PC: variants seen among roughly 807,000 people sequenced by gnomAD.
The protein encoded by PC is pyruvate carboxylase, mitochondrial.
A neutral mutation model predicts 107.8 loss-of-function variants in PC; 46 were observed. The ratio of observed to expected loss-of-function variants is 0.43; its 90% CI spans 0.34 to 0.55. The LOEUF (loss-of-function observed/expected upper bound fraction) is 0.55, where lower values mean the gene tolerates loss of function less well. PC is among the 20% of genes least tolerant of loss of function. The pLI is 0.04. For missense variants in PC, 1,241 were observed against 1,643.1 expected, an observed-to-expected ratio of 0.76 and a Z score of 4.23; for synonymous variants, 662 against 684.7, an observed-to-expected ratio of 0.97 and a Z score of 0.52.
intron 3 of PC, among the ~76,000 whole-genome samples, chr11:66,896,563 A>G (rs1019132518): frequency 6.6e-6 from 1 of 152,242 alleles, no homozygotes; most frequent in Non-Finnish European, 1.5e-5. Flanking sequence ...GGGAGAGGGC[A>G]CGCCAAGGGA....
chr11:66,933,694 G>A (rs1461265453), intron 3 of PC, among the ~76,000 whole-genome samples: 1 of 151,960 alleles, frequency 6.6e-6, no homozygotes, highest in Non-Finnish European at 1.5e-5. Context: ...CCTTCCCATT[G>A]CAACCACTTC....
In PC at chr11:66,870,847, C is replaced by G; in HGVS notation, c.679G>C (p.Ala227Pro). The G allele has an allele frequency of 1.9e-6, 3 of 1,613,688 alleles. No individual in the cohort carries two copies. The highest frequency in any genetic ancestry group is 2.5e-6 in the Non-Finnish European group (3 of 1,179,996). ...ACAAACAGCGCCCCATTCCCAAAGG[C>G]GGCCAGAGCCTCTGAGTAGGCCCGG... is the stretch of plus-strand genomic sequence containing the variant. ...YTRAYSEALA[A>P]FGNGALFVEK... Residue 227 changes from alanine (A) to proline (P), a missense_variant, in exon 8 of 23, where the codon GCC (alanine) becomes CCC (proline). Ala to Pro is a conservative substitution (Grantham distance 27). Around this residue, in one of 2 missense-constraint regions of PC, gnomAD observed 1,143 missense variants for 1,551.9 expected, o/e 0.74. Coordinates refer to ENST00000393960, the MANE Select transcript of PC (RefSeq NM_001040716.2). This position sits in a 1 kb window ranked among gnomAD's most constrained non-coding sequence, Gnocchi z 6.1.
At chr11:66,933,899 C>G (rs748185239) in intron 3 of PC, among the ~76,000 whole-genome samples, 1 of 152,184 alleles carries the variant, frequency 6.6e-6, no homozygotes, top group South Asian at 2.1e-4. Flanking sequence ...AATCCCAACA[C>G]GCAGCTGGGG....
At chr11:66,939,490 G>A (rs933271177) in intron 3 of PC, among the ~76,000 whole-genome samples, 1 of 152,138 alleles carries the variant, frequency 6.6e-6, no homozygotes, top group Non-Finnish European at 1.5e-5. Flanking sequence ...ACAGCCACAG[G>A]TGAGGACAGA....
At chr11:66,867,310 C>T (rs1041319497) in intron 10 of PC, among the ~76,000 whole-genome samples, 7 of 152,090 alleles carry the variant, frequency 4.6e-5, no homozygotes, top group Non-Finnish European at 7.4e-5. Flanking sequence ...CACTTGAACC[C>T]GGGAGGCAGA....
chr11:66,957,968 G>A (rs1343853410), intron 1 of PC: 1 of 152,214 alleles, frequency 6.6e-6, no homozygotes, highest in Non-Finnish European at 1.5e-5. Context: ...CAGGGACCTC[G>A]CGCGAGGCGC....
intron 12 of PC, among the ~76,000 whole-genome samples, chr11:66,853,985 T>C (rs1175331602): frequency 6.6e-6 from 1 of 152,222 alleles, no homozygotes; most frequent in African/African-American, 2.4e-5. Context: ...CCTTTCCTTG[T>C]TCACCCCTCG....
chr11:66,936,315 G>A (rs1334603993), intron 3 of PC, among the ~76,000 whole-genome samples: 1 of 151,922 alleles, frequency 6.6e-6, no homozygotes, highest in East Asian at 1.9e-4. Flanking sequence ...AAACTATAAA[G>A]TGCTACACAC....
At chr11:66,851,546 G>A (rs761236558) in intron 16 of PC, among the ~76,000 whole-genome samples, 2 of 152,178 alleles carry the variant, frequency 1.3e-5, no homozygotes, top group South Asian at 2.1e-4. Flanking sequence ...GCCCTGCACC[G>A]AGTGACCCAG....
Position 66,850,393 on chromosome 11 carries a change from C to G in PC, c.2545G>C (p.Asp849His). 6.2e-7 allele frequency: 1 copy of G among 1,614,024 alleles called. No individual in the cohort carries two copies. Among genetic ancestry groups the G allele is most frequent in the Non-Finnish European group, 8.5e-7 (1 of 1,180,010 alleles). The change falls in exon 19 of 23, where the codon GAC (aspartate) becomes CAC (histidine). Residue 849 changes from aspartate to histidine, a missense_variant. Asp to His is a moderately conservative substitution (Grantham distance 81, BLOSUM62 -1). This residue lies in a region of PC where 1,143 missense variants were observed against 1,551.9 expected (regional missense o/e 0.74). Coordinates refer to ENST00000393960, the MANE Select transcript of PC (RefSeq NM_001040716.2). ...CCAGACTTCATGGTGGCCGTGCAGT[C>G]GAAGGCCGCGTACAGTCCCCGAGCC... ...EGARGLYAAF[D>H]CTATMKSGNS...
At chr11:66,902,946 C>T (rs139431397) in intron 3 of PC, among the ~76,000 whole-genome samples, 218 of 152,354 alleles carry the variant, frequency 1.4e-3, no homozygotes, top group African/African-American at 5.2e-3. Context: ...GCGGCTGCGG[C>T]AAGCCGGGCT....
intron 3 of PC, among the ~76,000 whole-genome samples, chr11:66,882,146 T>C (rs1947208635): frequency 6.6e-6 from 1 of 152,192 alleles, no homozygotes; most frequent in Non-Finnish European, 1.5e-5. Flanking sequence ...ATCCCACTAC[T>C]TCAGACCTGA....
At chr11:66,937,816 G>A (rs2136125093) in intron 3 of PC, among the ~76,000 whole-genome samples, 1 of 139,666 alleles carries the variant, frequency 7.2e-6, no homozygotes, top group Admixed American at 7.6e-5. Flanking sequence ...TTGCTCTGTT[G>A]CCTAGGCTGG....
intron 3 of PC, among the ~76,000 whole-genome samples, chr11:66,873,390 TTA>T (rs1456877418): frequency 9.7e-6 from 1 of 103,168 alleles, no homozygotes; most frequent in African/African-American, 3.9e-5. Context: ...ATATAAAATA[TTA>T]TATATAATAT....
chr11:66,852,179 C>T lies in PC; in HGVS notation c.1826-233G>A, dbSNP rs1034562634. Among the ~76,000 whole-genome samples the T allele has an allele frequency of 1.3e-5, 2 of 152,238 alleles. No homozygotes were observed. Among genetic ancestry groups the T allele is most frequent in the South Asian group, 2.1e-4 (1 of 4,828 alleles). On this transcript the variant is annotated intron_variant, in intron 15 of 22. Transcript: ENST00000393960. This position sits in a 1 kb window ranked among gnomAD's most constrained non-coding sequence, Gnocchi z 4.7. ...TGCCCCCTTTATAATCCCATCTTCTCCTCTACCTCTCTGTGCTATAATTAA... is the reference window on the plus strand; with the variant it reads ...TGCCCCCTTTATAATCCCATCTTCTTCTCTACCTCTCTGTGCTATAATTAA...
intron 12 of PC, among the ~76,000 whole-genome samples, chr11:66,860,907 G>A (rs762871843): frequency 7.2e-5 from 11 of 152,192 alleles, no homozygotes; most frequent in Non-Finnish European, 1.3e-4. Context: ...TGAGCGTACA[G>A]TGAAAAGTCC....
chr11:66,881,215 C>A (rs917303581), intron 3 of PC, among the ~76,000 whole-genome samples: 2 of 152,208 alleles, frequency 1.3e-5, no homozygotes, highest in African/African-American at 4.8e-5. Flanking sequence ...AGCTGACAGC[C>A]CAGAGACCCA....
At chr11:66,917,086 C>T (rs558374031) in intron 3 of PC, among the ~76,000 whole-genome samples, 2 of 152,004 alleles carry the variant, frequency 1.3e-5, no homozygotes, top group African/African-American at 2.4e-5. Flanking sequence ...GTTTTTGTTC[C>T]TTTGAGACAG....
At chr11:66,925,139 C>G (rs1008647767) in intron 3 of PC, among the ~76,000 whole-genome samples, 7 of 152,212 alleles carry the variant, frequency 4.6e-5, no homozygotes, top group African/African-American at 1.2e-4. Context: ...CACAGGACCA[C>G]AGGACCGGGG....
Sources: gnomAD v4.1 joint callset for allele counts (sites outside exome capture counted in the v4.1 genomes callset) on GRCh38, gnomAD v4.1.1 for gene constraint, gnomAD v4.1.1 regional missense constraint, Gnocchi (gnomAD v3.1) non-coding constraint, MANE v1.5 for transcripts, NCBI Gene and HGNC (gene_info 2026-07-23, HGNC 2026-07-21) for gene names.